SLC25A21: variants seen among roughly 807,000 people sequenced by gnomAD.
SLC25A21 encodes the protein solute carrier family 25 member 21.
Under a neutral mutation model 43.8 loss-of-function variants are expected in SLC25A21, and 47 were observed. The ratio of observed to expected loss-of-function variants is 1.07; its 90% CI spans 0.85 to 1.37. The LOEUF is 1.37. Among genes scored for constraint, SLC25A21 ranks in the 40% most tolerant of loss-of-function variants. The pLI is 0.00. For missense variants in SLC25A21, 352 were observed against 350.2 expected, an observed-to-expected ratio of 1.00 and a Z score of -0.04; for synonymous variants, 131 against 121.3, an observed-to-expected ratio of 1.08 and a Z score of -0.52.
At chr14:36,779,719 T>C (rs1886983318) in intron 3 of SLC25A21, among the ~76,000 whole-genome samples, 1 of 150,086 alleles carries the variant, frequency 6.7e-6, no homozygotes, top group African/African-American at 2.4e-5. Flanking sequence ...GGCACGTAGC[T>C]TGTTATCTTG....
intron 3 of SLC25A21, among the ~76,000 whole-genome samples, chr14:36,809,947 G>A (rs1888175946): frequency 6.6e-6 from 1 of 152,074 alleles, no homozygotes; most frequent in Non-Finnish European, 1.5e-5. Flanking sequence ...TCTTTAACTA[G>A]GGAAAAAAAT....
chr14:36,793,788 T>C (rs916389180), intron 3 of SLC25A21, among the ~76,000 whole-genome samples: 4 of 152,146 alleles, frequency 2.6e-5, no homozygotes, highest in Non-Finnish European at 5.9e-5. Flanking sequence ...TATTGACATA[T>C]GGCCTTTATT....
rs10147344 is a variant in SLC25A21 at position 37,044,702 on chromosome 14, A to G, written c.70+127579T>C. 8.1e-3 allele frequency among the ~76,000 whole-genome samples: 1,227 copies of G among 152,300 alleles called. 12 individuals are homozygous for G. The highest frequency in any genetic ancestry group is 0.028 in the African/African-American group (1,181 of 41,550). On this transcript the variant is annotated intron_variant, in intron 1 of 9. Coordinates refer to ENST00000331299, the MANE Select transcript of SLC25A21 (RefSeq NM_030631.4). ...CAGTCATGGAACACTAAAAACTAAGAAAGAGTTCAGGCTTGTGAAGAAAAG... is the reference window on the plus strand; with the variant it reads ...CAGTCATGGAACACTAAAAACTAAGGAAGAGTTCAGGCTTGTGAAGAAAAG...
intron 1 of SLC25A21, among the ~76,000 whole-genome samples, chr14:37,060,423 A>ATAATG: frequency 7.3e-6 from 1 of 136,314 alleles, no homozygotes; most frequent in Non-Finnish European, 1.7e-5. Context: ...TAATAATAAT[A>ATAATG]ATGATGTAAC....
At chr14:36,961,020 G>A (rs1246560428) in intron 1 of SLC25A21, among the ~76,000 whole-genome samples, 2 of 152,046 alleles carry the variant, frequency 1.3e-5, no homozygotes, top group South Asian at 2.1e-4. Flanking sequence ...AATCTGTTAC[G>A]ATGAGTGAGG....
chr14:36,897,636 A>G (rs1295304792), intron 1 of SLC25A21, among the ~76,000 whole-genome samples: 1 of 151,794 alleles, frequency 6.6e-6, no homozygotes, highest in African/African-American at 2.4e-5. Context: ...TTCCAGTTTT[A>G]CTGCTCTGTT....
intron 1 of SLC25A21, among the ~76,000 whole-genome samples, chr14:37,006,442 C>T (rs186994350): frequency 5.3e-5 from 8 of 152,058 alleles, no homozygotes; most frequent in Admixed American, 1.3e-4. Flanking sequence ...TACATGTTGA[C>T]GTATTTATCA....
At chr14:36,809,244 T>A (rs1008228298) in intron 3 of SLC25A21, 2 of 152,158 alleles carry the variant, frequency 1.3e-5, no homozygotes, top group Non-Finnish European at 1.5e-5. Flanking sequence ...CAGACACAGA[T>A]GAAAAGTTGT....
chr14:36,912,320 A>G (rs547159204), intron 1 of SLC25A21, among the ~76,000 whole-genome samples: 1 of 152,286 alleles, frequency 6.6e-6, no homozygotes, highest in Admixed American at 6.5e-5. Context: ...TGAGAATGGG[A>G]TGTACCAGGA....
At chr14:36,740,804 C>A (rs1000386923) in intron 3 of SLC25A21, among the ~76,000 whole-genome samples, 2 of 152,084 alleles carry the variant, frequency 1.3e-5, no homozygotes, top group Non-Finnish European at 2.9e-5. Context: ...CTCAAAGATG[C>A]CTTCTTATTG....
chr14:37,139,316 T>G (rs1376164706), intron 1 of SLC25A21, among the ~76,000 whole-genome samples: 2 of 152,124 alleles, frequency 1.3e-5, no homozygotes, highest in African/African-American at 4.8e-5. Context: ...TTATCATGCA[T>G]TTTAAAAGGG....
chr14:36,811,850 A>T (rs1427858802), intron 3 of SLC25A21, among the ~76,000 whole-genome samples: 1 of 152,222 alleles, frequency 6.6e-6, no homozygotes, highest in Non-Finnish European at 1.5e-5. Flanking sequence ...TACCAGAAGA[A>T]ATGTTTATAA....
chr14:37,015,265 C>T (rs1960826388), intron 1 of SLC25A21, among the ~76,000 whole-genome samples: 1 of 138,618 alleles, frequency 7.2e-6, no homozygotes, highest in Admixed American at 8.0e-5. Flanking sequence ...TTGTTCAATT[C>T]CCACCTATGA....
chr14:36,744,680 G>C (rs1885419215), intron 3 of SLC25A21, among the ~76,000 whole-genome samples: 1 of 70,838 alleles, frequency 1.4e-5, no homozygotes, highest in South Asian at 4.9e-4. Flanking sequence ...AAAATCTTTT[G>C]CACAGCAAAA....
chr14:36,766,983 T>C (rs1886440364), intron 3 of SLC25A21, among the ~76,000 whole-genome samples: 1 of 152,220 alleles, frequency 6.6e-6, no homozygotes, highest in Admixed American at 6.5e-5. Flanking sequence ...GATATAATAA[T>C]ATCTATTTGC....
chr14:36,947,400 A>T (rs1892702563), intron 1 of SLC25A21, among the ~76,000 whole-genome samples: 2 of 152,212 alleles, frequency 1.3e-5, no homozygotes, highest in South Asian at 4.1e-4. Context: ...ATAATGTGGG[A>T]TGTGTACAGG....
intron 1 of SLC25A21, among the ~76,000 whole-genome samples, chr14:37,053,845 A>G (rs112004581): frequency 3.3e-5 from 5 of 152,350 alleles, no homozygotes; most frequent in African/African-American, 9.6e-5. Context: ...AGACAATTTG[A>G]GCATCAATAA....
At chr14:37,051,026 A>G (rs1566843667) in intron 1 of SLC25A21, among the ~76,000 whole-genome samples, 1 of 149,706 alleles carries the variant, frequency 6.7e-6, no homozygotes, top group Admixed American at 6.7e-5. Context: ...ACCCTACTCT[A>G]TCTTTTTCCA....
chr14:36,809,628 G>A (rs1042380449), intron 3 of SLC25A21, among the ~76,000 whole-genome samples: 1 of 152,182 alleles, frequency 6.6e-6, no homozygotes, highest in Non-Finnish European at 1.5e-5. Flanking sequence ...GCATCTCTAA[G>A]AATGGTGGAG....
Sources: gnomAD v4.1 joint callset for allele counts (sites outside exome capture counted in the v4.1 genomes callset) on GRCh38, gnomAD v4.1.1 for gene constraint, MANE v1.5 for transcripts, NCBI Gene and HGNC (gene_info 2026-07-23, HGNC 2026-07-21) for gene names.